Variants in PSMD14 observed in about 807,000 individuals in gnomAD.
PSMD14 encodes ubiquitin C-terminal hydrolase PSMD14.
A neutral mutation model predicts 41.2 loss-of-function variants in PSMD14; 7 were observed. The ratio of observed to expected loss-of-function variants is 0.17; its 90% CI spans 0.10 to 0.32. The LOEUF (loss-of-function observed/expected upper bound fraction) is 0.32. PSMD14 is among the 10% of genes least tolerant of loss of function. The probability of loss-of-function intolerance (pLI) is 1.00; values close to 1 mark genes in which losing one functional copy is unlikely to be tolerated. For synonymous variants in PSMD14, 114 were observed against 122.3 expected (o/e 0.93, Z 0.45); for missense variants, 139 against 375.6 (o/e 0.37, Z 5.21).
intron 10 of PSMD14, among the ~76,000 whole-genome samples, chr2:161,404,737 C>T (rs531269762): frequency 2.0e-5 from 3 of 152,186 alleles, no homozygotes; most frequent in Admixed American, 1.3e-4. Context: ...TTTCCTTGTC[C>T]TCTTGCCTTC....
At chr2:161,367,710 G>T (rs1446677126) in intron 4 of PSMD14, 74 bp from the exon 5 acceptor site, 15 of 1,534,014 alleles carry the variant, frequency 9.8e-6, no homozygotes, top group Non-Finnish European at 1.2e-5. Flanking sequence ...ACAAAATTTG[G>T]TTTTTGTTTT....
At chr2:161,308,971 A>G (rs1231290325) in intron 1 of PSMD14, among the ~76,000 whole-genome samples, 4 of 152,214 alleles carry the variant, frequency 2.6e-5, no homozygotes, top group Non-Finnish European at 5.9e-5. Flanking sequence ...GAGAGAGAGT[A>G]GAATTAACTT....
At chr2:161,375,921 C>T (rs986652901) in intron 7 of PSMD14, among the ~76,000 whole-genome samples, 1 of 151,434 alleles carries the variant, frequency 6.6e-6, no homozygotes, top group Non-Finnish European at 1.5e-5. Context: ...TAAGAGCATA[C>T]CCTTTATTTT....
chr2:161,334,680 C>T (rs1354782933), intron 3 of PSMD14, among the ~76,000 whole-genome samples: 2 of 152,206 alleles, frequency 1.3e-5, no homozygotes, highest in Non-Finnish European at 2.9e-5. Flanking sequence ...AGAATTTTCC[C>T]TTCTTTGACC....
chr2:161,403,564 T>C (rs1231187686), intron 10 of PSMD14, among the ~76,000 whole-genome samples: 1 of 152,214 alleles, frequency 6.6e-6, no homozygotes, highest in Non-Finnish European at 1.5e-5. Flanking sequence ...AATTGGTTCA[T>C]GTCACTACCG....
At chr2:161,338,457 A>G (rs1465384259) in intron 3 of PSMD14, among the ~76,000 whole-genome samples, 5 of 151,650 alleles carry the variant, frequency 3.3e-5, no homozygotes, top group East Asian at 1.9e-4. Flanking sequence ...TGCTGTACTC[A>G]TATTATCTAC....
At chr2:161,343,203 C>T (rs1468801758) in intron 3 of PSMD14, among the ~76,000 whole-genome samples, 2 of 152,166 alleles carry the variant, frequency 1.3e-5, no homozygotes, top group Non-Finnish European at 2.9e-5. Context: ...ACTCTGTACC[C>T]ATTAGACCAT....
intron 3 of PSMD14, among the ~76,000 whole-genome samples, chr2:161,342,455 T>C (rs1293691302): frequency 6.6e-6 from 1 of 152,200 alleles, no homozygotes; most frequent in Non-Finnish European, 1.5e-5. Context: ...GTAACAATTC[T>C]TTGCTCTGAA....
intron 3 of PSMD14, among the ~76,000 whole-genome samples, chr2:161,343,602 C>A (rs755108483): frequency 6.6e-6 from 1 of 152,140 alleles, no homozygotes; most frequent in African/African-American, 2.4e-5. Flanking sequence ...CCAAGGTGGG[C>A]AGATCACCTG....
intron 5 of PSMD14, among the ~76,000 whole-genome samples, chr2:161,369,602 T>C (rs929514003): frequency 6.6e-6 from 1 of 152,106 alleles, no homozygotes; most frequent in East Asian, 1.9e-4. Flanking sequence ...GACAGTACTC[T>C]ATCGCCAGAG....
intron 7 of PSMD14, among the ~76,000 whole-genome samples, chr2:161,372,962 G>T (rs1258128579): frequency 4.0e-5 from 6 of 151,350 alleles, no homozygotes; most frequent in Non-Finnish European, 8.9e-5. Flanking sequence ...CTTTGAAAAA[G>T]GAAAGTATAA....
intron 3 of PSMD14, among the ~76,000 whole-genome samples, chr2:161,333,754 C>T (rs1433075132): frequency 6.6e-6 from 1 of 152,172 alleles, no homozygotes; most frequent in Non-Finnish European, 1.5e-5. Context: ...GTTATTTTGC[C>T]AGGTGTGGTG....
intron 1 of PSMD14, among the ~76,000 whole-genome samples, chr2:161,312,818 T>A (rs1689105054): frequency 6.6e-6 from 1 of 152,186 alleles, no homozygotes; most frequent in Non-Finnish European, 1.5e-5. Flanking sequence ...ACTTTGTGAG[T>A]CTTTCTGCTA....
At chr2:161,358,297 C>T (rs896085522) in intron 3 of PSMD14, among the ~76,000 whole-genome samples, 3 of 151,886 alleles carry the variant, frequency 2.0e-5, no homozygotes, top group Non-Finnish European at 2.9e-5. Flanking sequence ...ATCACTTAGT[C>T]CATTTTAGTT....
intron 2 of PSMD14, among the ~76,000 whole-genome samples, chr2:161,318,577 A>C (rs1252496783): frequency 6.6e-6 from 1 of 152,180 alleles, no homozygotes; most frequent in Non-Finnish European, 1.5e-5. Flanking sequence ...AAGTATGCTA[A>C]GATTGCTTGT....
intron 3 of PSMD14, among the ~76,000 whole-genome samples, chr2:161,323,396 G>C (rs990030722): frequency 6.6e-6 from 1 of 152,004 alleles, no homozygotes; most frequent in African/African-American, 2.4e-5. Context: ...AGGCCTGGTG[G>C]CTCATGCCTG....
At chr2:161,383,674 C>T (rs1389013612) in intron 7 of PSMD14, 1 of 151,448 alleles carries the variant, frequency 6.6e-6, no homozygotes, top group Non-Finnish European at 1.5e-5. Context: ...AGCTTTTTCT[C>T]CCTCTCACAA....
Position 161,340,650 on chromosome 2 carries a change from C to T in PSMD14, c.48+21777C>T, listed in dbSNP as rs567294025. On this transcript the variant is annotated intron_variant, in intron 3 of 11. Transcript: ENST00000409682. Reference sequence around the variant, plus strand: ...AAGGTGTTCTCAGGATCCTGCTAGCCAAGGGACAAGTCCTGATTGAGGGTC... The same window carrying T: ...AAGGTGTTCTCAGGATCCTGCTAGCTAAGGGACAAGTCCTGATTGAGGGTC... Among the ~76,000 whole-genome samples, 19 of 152,136 alleles carry T rather than the reference C, an allele frequency of 1.2e-4. No individual in the cohort carries two copies. In the East Asian group the frequency reaches 3.5e-3, roughly 28 times the overall value.
rs150987836 is a variant in PSMD14, at chr2:161,329,694, C to G, written c.48+10821C>G. ...AGAAACAAAGCAGAATTACAAGATG[C>G]CTTTAACGTTTTTCTTATTTGCTGC... On this transcript the variant is annotated intron_variant, in intron 3 of 11. Transcript: ENST00000409682. Among the ~76,000 whole-genome samples the G allele has an allele frequency of 5.8e-3, 886 of 152,098 alleles. 6 individuals are homozygous for G. The highest frequency in any genetic ancestry group is 0.01 in the Non-Finnish European group (698 of 67,934).
Sources: allele counts gnomAD v4.1 joint callset (sites outside exome capture counted in the v4.1 genomes callset), GRCh38; gene constraint gnomAD v4.1.1; transcripts MANE v1.5; gene names NCBI Gene and HGNC (gene_info 2026-07-23, HGNC 2026-07-21).